Variants in FBXL18 observed in about 807,000 individuals in gnomAD.
The protein encoded by FBXL18 is F-box/LRR-repeat protein 18.
A neutral mutation model predicts 46.0 loss-of-function variants in FBXL18; 36 were observed. The observed-to-expected ratio is 0.78, with a 90% CI of 0.60 to 1.03. FBXL18 has a LOEUF of 1.03. FBXL18 is among the 50% of genes least tolerant of loss of function. The pLI is 0.00. For synonymous variants in FBXL18, 557 were observed against 465.3 expected (o/e 1.20, Z -2.54); for missense variants, 977 against 1,004.1 (o/e 0.97, Z 0.36).
At chr7:5,462,887 C>T (rs1279812918) in intron 4 of FBXL18, among the ~76,000 whole-genome samples, 2 of 141,184 alleles carry the variant, frequency 1.4e-5, no homozygotes, top group Non-Finnish European at 3.1e-5. Flanking sequence ...GGAGGCGGAG[C>T]TTGCAGTGAG....
intron 4 of FBXL18, among the ~76,000 whole-genome samples, chr7:5,463,563 G>C (rs917296713): frequency 6.6e-6 from 1 of 151,424 alleles, no homozygotes; most frequent in Non-Finnish European, 1.5e-5. Flanking sequence ...AGGCTGTAGT[G>C]AACCACGATT....
intron 3 of FBXL18, among the ~76,000 whole-genome samples, chr7:5,497,978 T>C (rs1244907331): frequency 6.6e-6 from 1 of 151,990 alleles, no homozygotes; most frequent in Non-Finnish European, 1.5e-5. Context: ...AGCTCACTCA[T>C]CTAAGCCCTG....
intron 4 of FBXL18, chr7:5,490,119 T>C (rs760133889): frequency 7.3e-6 from 10 of 1,361,780 alleles, no homozygotes; most frequent in South Asian, 6.9e-5. Flanking sequence ...GCAAGCAGGG[T>C]TGTCGGCGCC....
At chr7:5,494,973 T>C (rs2128236309) in intron 3 of FBXL18, among the ~76,000 whole-genome samples, 1 of 152,058 alleles carries the variant, frequency 6.6e-6, no homozygotes, top group Non-Finnish European at 1.5e-5. Flanking sequence ...CCCACGGGAG[T>C]GACTGGTCAG....
chr7:5,462,257 C>T (rs1234934399), intron 4 of FBXL18, among the ~76,000 whole-genome samples: 2 of 152,008 alleles, frequency 1.3e-5, no homozygotes, highest in Admixed American at 6.6e-5. Context: ...GAAACAAAAT[C>T]CTCACAGAAC....
At position 5,490,012 on chromosome 7, in the gene FBXL18, G is replaced by A. The variant is rs1412386345; in HGVS notation, c.2000+1219C>T. ...TTTAAAAAGTACTCTATAAACACAA[G>A]TTGTTTTTACAACCAGAGAGGGGGA... On this transcript the variant is annotated intron_variant, in intron 4 of 4. Transcript: ENST00000382368. 4 of 1,306,890 alleles carry A rather than the reference G, an allele frequency of 3.1e-6. No individual in the cohort carries two copies. The Admixed American group carries it at 6.8e-5, about 22-fold the overall frequency. 81.0% of individuals were successfully genotyped at this position (1,306,890 alleles called of 1,614,324 possible).
intron 4 of FBXL18, among the ~76,000 whole-genome samples, chr7:5,465,239 C>T (rs1301942257): frequency 1.3e-5 from 2 of 151,908 alleles, no homozygotes; most frequent in Admixed American, 6.6e-5. Context: ...CGTGCTCTGT[C>T]GCCCAGGCTG....
chr7:5,462,375 GGGTACCCACT>G (rs1474110841), intron 4 of FBXL18, among the ~76,000 whole-genome samples: 1 of 152,146 alleles, frequency 6.6e-6, no homozygotes, highest in African/African-American at 2.4e-5. Context: ...ACCCCACTGT[GGGTACCCACT>G]GGTACGTTGG....
intron 2 of FBXL18, 65 bp from the exon 3 acceptor site, chr7:5,502,096 C>A (rs1027293639): frequency 1.3e-5 from 15 of 1,177,576 alleles, no homozygotes; most frequent in South Asian, 1.2e-4. Context: ...GGTCTCCAAC[C>A]CTCAGTGCGC....
At chr7:5,497,887 G>A (rs528507994) in intron 3 of FBXL18, among the ~76,000 whole-genome samples, 12 of 151,936 alleles carry the variant, frequency 7.9e-5, no homozygotes, top group South Asian at 2.1e-4. Context: ...ACAATGACAC[G>A]TGCCCACGTG....
At chr7:5,459,193 G>T (rs1783210976) in intron 4 of FBXL18, among the ~76,000 whole-genome samples, 1 of 152,186 alleles carries the variant, frequency 6.6e-6, no homozygotes, top group Admixed American at 6.5e-5. Flanking sequence ...GAAAACAAAC[G>T]TGTGACCTAC....
intron 1 of FBXL18, among the ~76,000 whole-genome samples, chr7:5,508,774 G>A (rs188306268): frequency 7.9e-4 from 121 of 152,232 alleles, no homozygotes; most frequent in African/African-American, 2.9e-3. Flanking sequence ...ACCAGGGACA[G>A]TCCTTATCAA....
intron 4 of FBXL18, among the ~76,000 whole-genome samples, chr7:5,454,662 G>C (rs1783147752): frequency 6.6e-6 from 1 of 151,116 alleles, no homozygotes. Flanking sequence ...ATGGGGCCCT[G>C]AGTGAGGCTC....
intron 4 of FBXL18, among the ~76,000 whole-genome samples, chr7:5,461,386 C>T (rs776536749): frequency 1.1e-4 from 16 of 151,762 alleles, no homozygotes; most frequent in Non-Finnish European, 1.9e-4. Flanking sequence ...GGGCAACATA[C>T]TCGGTTGATA....
In FBXL18 at chr7:5,512,564, C is replaced by T. The variant is rs556965321; in HGVS notation, c.18+1093G>A. On this transcript the variant is annotated intron_variant, in intron 1 of 4. Coordinates refer to ENST00000382368, the MANE Select transcript of FBXL18 (RefSeq NM_024963.6). ...GGGAGGCGGAGGTTGCAGATCACAC[C>T]GCTGCACTACAGCCTGGGCGACAGA... 1.8e-4 allele frequency among the ~76,000 whole-genome samples: 27 copies of T among 152,206 alleles called. No homozygotes were observed. The East Asian group carries it at 4.6e-3, about 26-fold the overall frequency.
At chr7:5,482,058 G>A (rs1368719008) in intron 4 of FBXL18, 127 bp from the exon 5 acceptor site, 6 of 1,121,184 alleles carry the variant, frequency 5.4e-6, no homozygotes, top group Non-Finnish European at 7.5e-6. Context: ...CTCCCAGACA[G>A]ACCATGCCTG....
At chr7:5,484,469 CAAAA>C (rs35237238) in intron 4 of FBXL18, among the ~76,000 whole-genome samples, 1 of 68,284 alleles carries the variant, frequency 1.5e-5, no homozygotes, top group African/African-American at 5.7e-5. Context: ...GACTCTGTCT[CAAAA>C]AAAAAAAAAA....
chr7:5,486,961 G>T (rs1044748628), intron 4 of FBXL18, among the ~76,000 whole-genome samples: 1 of 152,270 alleles, frequency 6.6e-6, no homozygotes, highest in Non-Finnish European at 1.5e-5. Context: ...AGAGAAAAGC[G>T]TCAGGAAAAG....
In FBXL18 at chr7:5,467,979, G is replaced by A. The variant is rs181865525; in HGVS notation, c.2001-20136C>T. ...CCCGAAATCCAATGATTGCAGCCTC[G>A]AACTTTTTTTTTTTTTTTTTGGAGA... is the stretch of plus-strand genomic sequence containing the variant. On this transcript the variant is annotated intron_variant and NMD_transcript_variant, in intron 4 of 6. Coordinates refer to the FBXL18 transcript ENST00000415009. 2.4e-3 allele frequency among the ~76,000 whole-genome samples: 355 copies of A among 150,884 alleles called. 1 individual carries two copies. Among genetic ancestry groups the A allele is most frequent in the African/African-American group, 7.9e-3 (326 of 41,154 alleles).
Sources: allele counts gnomAD v4.1 joint callset (sites outside exome capture counted in the v4.1 genomes callset), GRCh38; gene constraint gnomAD v4.1.1; transcripts MANE v1.5; gene names NCBI Gene and HGNC (gene_info 2026-07-23, HGNC 2026-07-21).